GLI3: variants seen among roughly 807,000 people sequenced by gnomAD.
The protein encoded by GLI3 is GLI family zinc finger 3, also known as transcription activator GLI3.
In GLI3, 20 loss-of-function variants were observed where a neutral mutation model predicts 100.8. The ratio of observed to expected loss-of-function variants is 0.20; its 90% CI spans 0.14 to 0.29. GLI3 has a LOEUF of 0.29. Among genes scored for constraint, GLI3 ranks in the 10% least tolerant of loss-of-function variants. The pLI is 1.00. For synonymous variants in GLI3, 938 were observed against 860.5 expected (o/e 1.09, Z -1.58); for missense variants, 2,040 against 2,128.5 (o/e 0.96, Z 0.82).
chr7:42,155,599 G>A (rs1786983709), intron 2 of GLI3, among the ~76,000 whole-genome samples: 2 of 152,100 alleles, frequency 1.3e-5, no homozygotes, highest in Non-Finnish European at 2.9e-5. Flanking sequence ...TTGCTCCAAA[G>A]AGCAGCAGGT....
intron 2 of GLI3, among the ~76,000 whole-genome samples, chr7:42,164,909 T>A (rs777364989): frequency 6.7e-6 from 1 of 150,154 alleles, no homozygotes; most frequent in Non-Finnish European, 1.5e-5. Context: ...AAATCTTTCA[T>A]TCTAGGAACA....
intron 3 of GLI3, among the ~76,000 whole-genome samples, chr7:42,082,023 A>AT (rs1224958000): frequency 6.6e-6 from 1 of 151,958 alleles, no homozygotes; most frequent in Non-Finnish European, 1.5e-5. Flanking sequence ...GCCTGTAGGA[A>AT]TGGCCAGTCC....
chr7:42,158,319 G>A (rs1225639433), intron 2 of GLI3, among the ~76,000 whole-genome samples: 2 of 152,186 alleles, frequency 1.3e-5, no homozygotes, highest in East Asian at 3.8e-4. Flanking sequence ...AACGTCCTGA[G>A]GTTTAACAAA....
chr7:42,137,716 CTG>C (rs1428397614), intron 3 of GLI3, among the ~76,000 whole-genome samples: 1 of 152,162 alleles, frequency 6.6e-6, no homozygotes, highest in Admixed American at 6.5e-5. Flanking sequence ...ATCCAAAACT[CTG>C]AGAGCTGAGA....
intron 4 of GLI3, among the ~76,000 whole-genome samples, chr7:42,058,183 T>C (rs939780172): frequency 6.6e-6 from 1 of 152,234 alleles, no homozygotes; most frequent in African/African-American, 2.4e-5. Flanking sequence ...CCCATTTATA[T>C]AAAGTTCTTT....
chr7:42,029,297 T>A (rs527959899), intron 7 of GLI3, among the ~76,000 whole-genome samples: 13 of 152,330 alleles, frequency 8.5e-5, no homozygotes, highest in Admixed American at 7.2e-4. Flanking sequence ...TAGAAAGTTC[T>A]CAGCTCTGAC....
rs1434360142 is a variant in GLI3, at chr7:41,966,576, G to A, written c.2497C>T (p.Leu833Phe). The change falls in exon 15 of 15, where the codon CTC becomes TTC. Residue 833 changes from leucine (L) to phenylalanine (F), a missense_variant. Leu to Phe is a conservative substitution (Grantham distance 22). Transcript: ENST00000395925. The surrounding 1 kb of genome is among the most constrained non-coding windows in gnomAD (Gnocchi z 5.8). ...AGCATAGTGACGTCCACCCCAGAGA[G>A]GTCGCTTCTGCCCGGGAGAAGCGTC... is the stretch of plus-strand genomic sequence containing the variant. ...PMTLLPGRSD[L>F]SGVDVTMLNM... 1.2e-6 allele frequency: 2 copies of A among 1,613,922 alleles called. No homozygotes were observed. The highest frequency in any genetic ancestry group is 1.1e-5 in the South Asian group (1 of 91,086).
intron 7 of GLI3, among the ~76,000 whole-genome samples, chr7:42,027,873 G>A (rs773558006): frequency 6.6e-6 from 1 of 152,152 alleles, no homozygotes; most frequent in East Asian, 1.9e-4. Flanking sequence ...ATAATATTCC[G>A]TTTCTGCAGC....
At chr7:42,101,105 T>C (rs1172546511) in intron 3 of GLI3, among the ~76,000 whole-genome samples, 1 of 152,208 alleles carries the variant, frequency 6.6e-6, no homozygotes, top group Non-Finnish European at 1.5e-5. Flanking sequence ...TCTCTTCTCC[T>C]GTGAGTAGGA....
intron 3 of GLI3, among the ~76,000 whole-genome samples, chr7:42,093,432 T>C (rs1480262837): frequency 6.8e-6 from 1 of 147,968 alleles, no homozygotes; most frequent in Non-Finnish European, 1.5e-5. Context: ...GAAACACATA[T>C]ACTCACCACC....
intron 3 of GLI3, among the ~76,000 whole-genome samples, chr7:42,109,589 G>A (rs1785654951): frequency 6.6e-6 from 1 of 152,198 alleles, no homozygotes; most frequent in South Asian, 2.1e-4. Flanking sequence ...AGCATTCTGA[G>A]CTGACAGTGA....
chr7:42,205,728 C>T, intron 2 of GLI3, among the ~76,000 whole-genome samples: 1 of 152,202 alleles, frequency 6.6e-6, no homozygotes, highest in East Asian at 1.9e-4. Flanking sequence ...CAGCAAACAC[C>T]TGTTAGGTCT....
intron 10 of GLI3, among the ~76,000 whole-genome samples, chr7:41,997,156 A>G (rs1325949773): frequency 6.6e-6 from 1 of 152,152 alleles, no homozygotes; most frequent in Non-Finnish European, 1.5e-5. Flanking sequence ...TTTCCCCCAG[A>G]TGTTTCCATA....
chr7:41,963,241 A>G lies in GLI3; in HGVS notation c.*1089T>C, dbSNP rs1316819035. 1 of 152,222 alleles carries G rather than the reference A, an allele frequency of 6.6e-6. No homozygotes were observed. The highest frequency in any genetic ancestry group is 2.4e-5 in the African/African-American group (1 of 41,448). The allele number at this position is 152,222 out of a possible 1,614,324, so 9.4% of individuals were successfully genotyped here. On this transcript the variant is annotated 3_prime_UTR_variant, in exon 15 of 15. Transcript: ENST00000395925. ...AAATCCCTCAAAATAAGGTATTTAG[A>G]ATGGAAATCCTCCCTCACTATAGTG...
intron 2 of GLI3, among the ~76,000 whole-genome samples, chr7:42,216,582 G>T (rs950171044): frequency 6.6e-6 from 1 of 152,118 alleles, no homozygotes; most frequent in Non-Finnish European, 1.5e-5. Flanking sequence ...TATGTATGAC[G>T]GGGTATATGA....
Position 41,966,224 on chromosome 7 carries a change from C to G in GLI3, c.2849G>C (p.Arg950Thr). 6.2e-7 allele frequency: 1 copy of G among 1,608,828 alleles called. No individual in the cohort carries two copies. Among genetic ancestry groups the G allele is most frequent in the Non-Finnish European group, 8.5e-7 (1 of 1,179,022 alleles). ...CGCCAGGCGCGTCTTCAGGCTCATC[C>G]TCTCCATGTTGGGCAGGGGCGTCGG... is the stretch of plus-strand genomic sequence containing the variant. ...PPPTPLPNMERMSLKTRLALL... is the reference protein window; with the variant it reads ...PPPTPLPNMETMSLKTRLALL... Residue 950 changes from arginine (R) to threonine (T), a missense_variant, in exon 15 of 15, where the codon AGG becomes ACG. By Grantham distance (71) the Arg-to-Thr change is moderately conservative. This residue lies in a region of GLI3 where 1,041 missense variants were observed against 924.0 expected (regional missense o/e 1.13). Coordinates refer to ENST00000395925, the MANE Select transcript of GLI3 (RefSeq NM_000168.6). This position sits in a 1 kb window ranked among gnomAD's most constrained non-coding sequence, Gnocchi z 5.8.
chr7:42,108,190 C>T (rs1785621232), intron 3 of GLI3, among the ~76,000 whole-genome samples: 3 of 152,094 alleles, frequency 2.0e-5, no homozygotes, highest in Non-Finnish European at 2.9e-5. Context: ...TTGGTGAGTC[C>T]GCAGAAATAC....
chr7:42,215,048 T>C lies in GLI3; in HGVS notation c.124+8082A>G, dbSNP rs181274911. On this transcript the variant is annotated intron_variant, in intron 2 of 14. Coordinates refer to ENST00000395925, the MANE Select transcript of GLI3 (RefSeq NM_000168.6). Reference sequence around the variant, plus strand: ...ACAGGTTTTTTGTTTGTTTGTTTGTTTTTAATGTGAAATGAACACAGCATC... The same window carrying C: ...ACAGGTTTTTTGTTTGTTTGTTTGTCTTTAATGTGAAATGAACACAGCATC... 3.3e-3 allele frequency among the ~76,000 whole-genome samples: 506 copies of C among 152,224 alleles called. 3 individuals are homozygous for C. Among genetic ancestry groups the C allele is most frequent in the African/African-American group, 0.012 (479 of 41,528 alleles).
chr7:42,067,505 T>C (rs1784699406), intron 4 of GLI3, among the ~76,000 whole-genome samples: 1 of 152,250 alleles, frequency 6.6e-6, no homozygotes. Flanking sequence ...TCACTTATGG[T>C]GAACTTGGCA....
Sources: gnomAD v4.1 joint callset for allele counts (sites outside exome capture counted in the v4.1 genomes callset) on GRCh38, gnomAD v4.1.1 for gene constraint, gnomAD v4.1.1 regional missense constraint, Gnocchi (gnomAD v3.1) non-coding constraint, MANE v1.5 for transcripts, NCBI Gene and HGNC (gene_info 2026-07-23, HGNC 2026-07-21) for gene names.